RASGRP3: variants seen among roughly 807,000 people sequenced by gnomAD.
RASGRP3 encodes the protein ras guanyl-releasing protein 3.
RASGRP3 carries 54 observed loss-of-function variants against 82.7 expected under a neutral mutation model. The observed-to-expected ratio is 0.65, with a 90% CI of 0.52 to 0.82. RASGRP3 has a LOEUF of 0.82. RASGRP3 is among the 40% of genes least tolerant of loss of function. RASGRP3 has a pLI of 0.00. For missense variants in RASGRP3, 861 were observed against 828.9 expected, an observed-to-expected ratio of 1.04 and a Z score of -0.48; for synonymous variants, 309 against 300.5, an observed-to-expected ratio of 1.03 and a Z score of -0.29.
At chr2:33,526,239 T>A (rs1672554526) in intron 9 of RASGRP3, among the ~76,000 whole-genome samples, 1 of 152,216 alleles carries the variant, frequency 6.6e-6, no homozygotes, top group African/African-American at 2.4e-5. Context: ...AACCCATTCC[T>A]GGTTCTGGAA....
At chr2:33,478,558 G>A (rs769791961) in intron 1 of RASGRP3, among the ~76,000 whole-genome samples, 12 of 152,172 alleles carry the variant, frequency 7.9e-5, no homozygotes, top group Non-Finnish European at 1.5e-4. Context: ...TCCAACTGCT[G>A]TATTTTTGAG....
rs550286721 is a variant in RASGRP3, at chr2:33,465,112, G to A, written c.-261+17169G>A. ...CTCTTGTGCCAAACAGCCAAATTGT[G>A]ACTACAAAGGAAAAGTTCTTTAAGG... On this transcript the variant is annotated intron_variant, in intron 2 of 18. Transcript: ENST00000402538. Among the ~76,000 whole-genome samples, 4 of 152,290 alleles carry A rather than the reference G, an allele frequency of 2.6e-5. No individual in the cohort carries two copies. The South Asian group carries it at 8.3e-4, about 32-fold the overall frequency.
intron 14 of RASGRP3, among the ~76,000 whole-genome samples, chr2:33,553,009 C>T (rs1024186370): frequency 6.6e-6 from 1 of 152,198 alleles, no homozygotes; most frequent in Non-Finnish European, 1.5e-5. Context: ...GTGCCTCTTC[C>T]TAGCTACTGT....
intron 1 of RASGRP3, among the ~76,000 whole-genome samples, chr2:33,447,274 C>G (rs1302479297): frequency 6.6e-6 from 1 of 152,054 alleles, no homozygotes; most frequent in East Asian, 1.9e-4. Context: ...GCCCAAGGAA[C>G]AGGAGGCTGG....
At chr2:33,502,788 T>C (rs578242228) in intron 1 of RASGRP3, among the ~76,000 whole-genome samples, 2 of 152,310 alleles carry the variant, frequency 1.3e-5, no homozygotes, top group Admixed American at 1.3e-4. Context: ...GTGCTGGGAT[T>C]ACAGGTGTGA....
chr2:33,513,928 T>A (rs1429072828), intron 2 of RASGRP3: 1 of 152,236 alleles, frequency 6.6e-6, no homozygotes, highest in Non-Finnish European at 1.5e-5. Flanking sequence ...GTGATATCCA[T>A]GCTTGTAGAA....
chr2:33,467,431 C>A (rs1297711872), intron 2 of RASGRP3, among the ~76,000 whole-genome samples: 1 of 152,044 alleles, frequency 6.6e-6, no homozygotes, highest in Admixed American at 6.6e-5. Flanking sequence ...GAGAAATCTC[C>A]CATGATTTTT....
chr2:33,514,359 C>G (rs1343460199), intron 2 of RASGRP3, among the ~76,000 whole-genome samples: 1 of 151,582 alleles, frequency 6.6e-6, no homozygotes. Flanking sequence ...TCTTGAATAT[C>G]TTATCACTTA....
chr2:33,536,882 C>A (rs534099237), intron 11 of RASGRP3, among the ~76,000 whole-genome samples: 1 of 152,138 alleles, frequency 6.6e-6, no homozygotes, highest in Non-Finnish European at 1.5e-5. Context: ...TGCTTTTGGG[C>A]TCTGGCCCCA....
chr2:33,455,348 G>T (rs866601384), intron 2 of RASGRP3, among the ~76,000 whole-genome samples: 19 of 152,302 alleles, frequency 1.2e-4, no homozygotes, highest in African/African-American at 4.6e-4. Flanking sequence ...ACTGTCCCTT[G>T]AGTGGATTAA....
rs1458007987 is a variant in RASGRP3 at position 33,520,030 on chromosome 2, A to G, written c.236+16A>G. ...ACTTCATGAGGTAAATATATTTACA[A>G]ATTTAATTTCTTGTAGTTTCTGGTT... On this transcript the variant is annotated intron_variant, in intron 5 of 17. Transcript: ENST00000403687. 5 of 1,566,980 alleles carry G rather than the reference A, an allele frequency of 3.2e-6. No homozygotes were observed. Among genetic ancestry groups the G allele is most frequent in the African/African-American group, 1.4e-5 (1 of 73,842 alleles).
chr2:33,460,438 G>T (rs964138561), intron 2 of RASGRP3, among the ~76,000 whole-genome samples: 19 of 151,926 alleles, frequency 1.3e-4, no homozygotes, highest in Non-Finnish European at 1.0e-4. Flanking sequence ...TAGGAAAGAG[G>T]GTTATTACAT....
rs373720447 is a variant in RASGRP3 at position 33,463,460 on chromosome 2, T to C, written c.-261+15517T>C. On this transcript the variant is annotated intron_variant, in intron 2 of 18. Transcript: ENST00000402538. ...AAAGAGAACTGAAAGGGGAAGATGA[T>C]TGTTAATCTGGACCAATTTGTCTGG... is the stretch of plus-strand genomic sequence containing the variant. Among the ~76,000 whole-genome samples the C allele has an allele frequency of 1.4e-4, 21 of 152,112 alleles. No individual in the cohort carries two copies. The Middle Eastern group carries it at 0.017, about 123-fold the overall frequency.
intron 1 of RASGRP3, among the ~76,000 whole-genome samples, chr2:33,447,416 G>T (rs1170018953): frequency 6.6e-6 from 1 of 151,090 alleles, no homozygotes; most frequent in Non-Finnish European, 1.5e-5. Context: ...ACTCAAAGAG[G>T]TGCCCCAACC....
chr2:33,480,004 C>T (rs1667745938), intron 1 of RASGRP3, among the ~76,000 whole-genome samples: 1 of 150,604 alleles, frequency 6.6e-6, no homozygotes, highest in African/African-American at 2.4e-5. Context: ...CAAGATTACA[C>T]ATTTTGAAGA....
At chr2:33,548,384 G>A (rs867236351) in intron 13 of RASGRP3, among the ~76,000 whole-genome samples, 92 of 104,868 alleles carry the variant, frequency 8.8e-4, no homozygotes, top group Middle Eastern at 5.1e-3. Context: ...AAAAAAAAAA[G>A]AAGGTAGAAA....
chr2:33,522,078 GC>G lies in RASGRP3; in HGVS notation c.493del (p.His165IlefsTer43). Reference sequence around the variant, plus strand: ...TGGCTGAGCACCTCACTTTTCTGGAGCATAAATCTTTTAGAAGGATCTCAGT... The same window carrying G: ...TGGCTGAGCACCTCACTTTTCTGGAGATAAATCTTTTAGAAGGATCTCAGT... ...ELAEHLTFLE[H>X]KSFRRISFTD... On this transcript the variant is annotated frameshift_variant, in exon 7 of 18. Coordinates refer to ENST00000403687, the MANE Select transcript of RASGRP3 (RefSeq NM_001139488.2). LOFTEE classifies it high-confidence loss of function. The G allele has an allele frequency of 6.2e-7, 1 of 1,609,474 alleles. No homozygotes were observed. The highest frequency in any genetic ancestry group is 8.5e-7 in the Non-Finnish European group (1 of 1,178,880).
chr2:33,559,024 T>C lies in RASGRP3; in HGVS notation c.2058T>C (p.Asp686=). The change falls in exon 17 of 18, where the codon GAT becomes GAC. Residue 686 remains aspartate, a synonymous_variant. Coordinates refer to ENST00000403687, the MANE Select transcript of RASGRP3 (RefSeq NM_001139488.2). ...ATGAAGGAGAAGAGACCAGACAGGA[T>C]GGTGAGGTAAGTGCTAGGTCAACCC... ...DQDEGEETRQ[D]GEDG is the part of the protein sequence containing the mutation. 2 of 1,603,804 alleles carry C rather than the reference T, an allele frequency of 1.2e-6. No individual in the cohort carries two copies. Among genetic ancestry groups the C allele is most frequent in the Non-Finnish European group, 1.7e-6 (2 of 1,175,830 alleles).
At chr2:33,534,218 T>G in intron 10 of RASGRP3, 105 bp from the exon 11 acceptor site, 1 of 745,626 alleles carries the variant, frequency 1.3e-6, no homozygotes, top group Non-Finnish European at 2.3e-6. Context: ...TTACTCAAAT[T>G]ATTAGACAGT....
Sources: allele counts gnomAD v4.1 joint callset (sites outside exome capture counted in the v4.1 genomes callset), GRCh38; gene constraint gnomAD v4.1.1; transcripts MANE v1.5; gene names NCBI Gene and HGNC (gene_info 2026-07-23, HGNC 2026-07-21).